Variants in PRKCH observed in about 807,000 individuals in gnomAD.
The protein encoded by PRKCH is protein kinase C eta, also known as protein kinase C eta type.
PRKCH carries 28 observed loss-of-function variants against 82.5 expected under a neutral mutation model. That is an observed-to-expected ratio of 0.34 (90% CI 0.25 to 0.47). The LOEUF (loss-of-function observed/expected upper bound fraction) is 0.47, where lower values mean the gene tolerates loss of function less well. PRKCH is among the 20% of genes least tolerant of loss of function. The probability of loss-of-function intolerance (pLI) is 1.00; values close to 1 mark genes in which losing one functional copy is unlikely to be tolerated. For synonymous variants in PRKCH, 322 were observed against 327.4 expected (o/e 0.98, Z 0.18); for missense variants, 705 against 881.8 (o/e 0.80, Z 2.54).
chr14:61,256,291 C>A (rs1045320426), intron 1 of PRKCH, among the ~76,000 whole-genome samples: 3 of 152,124 alleles, frequency 2.0e-5, no homozygotes. Flanking sequence ...TATTTGGTAT[C>A]CTTTTCTTCC....
intron 12 of PRKCH, among the ~76,000 whole-genome samples, chr14:61,546,160 GC>G (rs1335876043): frequency 1.3e-5 from 2 of 152,136 alleles, no homozygotes; most frequent in East Asian, 3.9e-4. Flanking sequence ...CTCCCTTCCT[GC>G]CTGCATTGCA....
chr14:61,536,170 A>T (rs548642636), intron 12 of PRKCH, among the ~76,000 whole-genome samples: 1 of 85,990 alleles, frequency 1.2e-5, no homozygotes, highest in East Asian at 3.2e-4. Flanking sequence ...CTGGGAGTCT[A>T]TGTCACCCTC....
intron 1 of PRKCH, among the ~76,000 whole-genome samples, chr14:61,325,636 T>C (rs912926102): frequency 2.6e-5 from 4 of 152,120 alleles, no homozygotes; most frequent in Non-Finnish European, 5.9e-5. Context: ...TGAAAAACTA[T>C]TGCTTCCCAG....
intron 1 of PRKCH, among the ~76,000 whole-genome samples, chr14:61,266,080 A>G (rs2045098038): frequency 6.7e-6 from 1 of 148,358 alleles, no homozygotes; most frequent in Admixed American, 6.7e-5. Flanking sequence ...GGATTCTTTA[A>G]GAGGGAGAAA....
intron 9 of PRKCH, among the ~76,000 whole-genome samples, chr14:61,481,838 G>A (rs1885987212): frequency 6.6e-6 from 1 of 151,984 alleles, no homozygotes; most frequent in African/African-American, 2.4e-5. Flanking sequence ...CTACATGAGA[G>A]CACAAGCATT....
chr14:61,326,174 C>G (rs919904225), intron 1 of PRKCH, among the ~76,000 whole-genome samples: 1 of 152,086 alleles, frequency 6.6e-6, no homozygotes, highest in African/African-American at 2.4e-5. Context: ...TTTGTAATAA[C>G]CCCCAAAGTG....
intron 3 of PRKCH, 129 bp from the exon 4 acceptor site, chr14:61,445,563 G>T: frequency 3.6e-6 from 3 of 834,122 alleles, no homozygotes; most frequent in Non-Finnish European, 6.1e-6. Context: ...GAAAGCACAT[G>T]ATCTTTGCTT....
At chr14:61,367,200 A>G (rs1412009486) in intron 1 of PRKCH, among the ~76,000 whole-genome samples, 1 of 152,060 alleles carries the variant, frequency 6.6e-6, no homozygotes, top group African/African-American at 2.4e-5. Flanking sequence ...AGCATGAACT[A>G]CCATCACAGA....
chr14:61,372,525 A>C (rs2046375411), intron 1 of PRKCH, among the ~76,000 whole-genome samples: 1 of 152,002 alleles, frequency 6.6e-6, no homozygotes, highest in Non-Finnish European at 1.5e-5. Context: ...ATTTACTTAC[A>C]TGTATAGTGG....
Position 61,449,232 on chromosome 14 carries a change from A to G in PRKCH, c.682A>G (p.Ile228Val). The G allele has an allele frequency of 3.7e-6, 6 of 1,613,736 alleles. No individual in the cohort carries two copies. Among genetic ancestry groups the G allele is most frequent in the Non-Finnish European group, 4.2e-6 (5 of 1,179,660 alleles). Residue 228 changes from isoleucine to valine, a missense_variant, in exon 5 of 14, where the codon ATT (isoleucine) becomes GTT (valine). This residue lies in a region of PRKCH where 246 missense variants were observed against 308.0 expected (regional missense o/e 0.80). Coordinates refer to ENST00000332981, the MANE Select transcript of PRKCH (RefSeq NM_006255.5). Reference protein sequence around the residue: ...IVTACTCQNNINKVDSKIAEQ... With the variant: ...IVTACTCQNNVNKVDSKIAEQ... Reference sequence around the variant, plus strand: ...TACAGCCTGTACTTGCCAAAACAATATTAACAAAGTGGATTCAAAGGTAAG... The same window carrying G: ...TACAGCCTGTACTTGCCAAAACAATGTTAACAAAGTGGATTCAAAGGTAAG...
intron 2 of PRKCH, among the ~76,000 whole-genome samples, chr14:61,428,398 A>G (rs1883234203): frequency 6.6e-6 from 1 of 152,126 alleles, no homozygotes. Context: ...ATAATGAGGC[A>G]TGTCTGACTC....
chr14:61,339,464 C>T (rs2045902089), intron 1 of PRKCH, among the ~76,000 whole-genome samples: 1 of 150,324 alleles, frequency 6.7e-6, no homozygotes, highest in Admixed American at 6.6e-5. Flanking sequence ...GCTGGGACTA[C>T]AGGCGCCCAC....
chr14:61,272,649 C>G (rs934673352), intron 1 of PRKCH, among the ~76,000 whole-genome samples: 30 of 152,106 alleles, frequency 2.0e-4, no homozygotes, highest in Non-Finnish European at 1.8e-4. Context: ...AGCCACCACG[C>G]CTGGCCCATA....
intron 1 of PRKCH, among the ~76,000 whole-genome samples, chr14:61,375,705 C>T (rs1172228334): frequency 6.6e-6 from 1 of 151,938 alleles, no homozygotes; most frequent in Non-Finnish European, 1.5e-5. Flanking sequence ...AGTCTGCCTC[C>T]ATGATTCAGT....
chr14:61,231,439 T>C (rs1208288466), intron 1 of PRKCH, among the ~76,000 whole-genome samples: 2 of 148,664 alleles, frequency 1.3e-5, no homozygotes, highest in Non-Finnish European at 3.0e-5. Context: ...CTCGGCTCAC[T>C]GCAAGCTCTG....
Position 61,527,272 on chromosome 14 carries a change from C to T in PRKCH, c.1434-1803C>T, listed in dbSNP as rs1384049995. ...GGTGGAAATGCTTTCAACCAGTCTC[C>T]ATAATCTAGGCTTCTTGTGCACCTG... On this transcript the variant is annotated intron_variant, in intron 10 of 13. Coordinates refer to ENST00000332981, the MANE Select transcript of PRKCH (RefSeq NM_006255.5). Among the ~76,000 whole-genome samples the T allele has an allele frequency of 8.0e-4, 4 of 5,028 alleles. No homozygotes were observed. The Non-Finnish European group carries it at 0.04, about 50-fold the overall frequency. The allele number at this position is 5,028 out of a possible 152,430, so 3.3% of individuals were successfully genotyped here.
intron 2 of PRKCH, among the ~76,000 whole-genome samples, chr14:61,423,363 G>A (rs1433647995): frequency 2.6e-5 from 4 of 152,158 alleles, no homozygotes; most frequent in Non-Finnish European, 5.9e-5. Flanking sequence ...CAAATTTTTG[G>A]TCTACTTGAG....
intron 1 of PRKCH, among the ~76,000 whole-genome samples, chr14:61,362,688 T>TA (rs977953715): frequency 6.6e-6 from 1 of 152,232 alleles, no homozygotes; most frequent in Non-Finnish European, 1.5e-5. Context: ...CCCTTTTCCC[T>TA]AATGCCTATA....
chr14:61,403,661 C>G (rs768984545), intron 2 of PRKCH, among the ~76,000 whole-genome samples: 1 of 152,188 alleles, frequency 6.6e-6, no homozygotes, highest in Non-Finnish European at 1.5e-5. Flanking sequence ...TACTTCTGAA[C>G]AAGTGATCAG....
Sources: gnomAD v4.1 joint callset for allele counts (sites outside exome capture counted in the v4.1 genomes callset) on GRCh38, gnomAD v4.1.1 for gene constraint, gnomAD v4.1.1 regional missense constraint, MANE v1.5 for transcripts, NCBI Gene and HGNC (gene_info 2026-07-23, HGNC 2026-07-21) for gene names.